MRTFA: variants seen among roughly 807,000 people sequenced by gnomAD.
MRTFA encodes myocardin-related transcription factor A.
In MRTFA, 20 loss-of-function variants were observed where a neutral mutation model predicts 83.5. That is an observed-to-expected ratio of 0.24 (90% CI 0.17 to 0.35). The LOEUF (loss-of-function observed/expected upper bound fraction) is 0.35. Among genes scored for constraint, MRTFA ranks in the 10% least tolerant of loss-of-function variants. MRTFA has a pLI of 1.00. For synonymous variants in MRTFA, 659 were observed against 541.2 expected (o/e 1.22, Z -3.02); for missense variants, 1,200 against 1,224.7 (o/e 0.98, Z 0.30).
At chr22:40,502,404 G>A (rs1008363515) in intron 3 of MRTFA, among the ~76,000 whole-genome samples, 2 of 114,362 alleles carry the variant, frequency 1.7e-5, no homozygotes, top group Non-Finnish European at 3.7e-5. Context: ...GGGCAGAGGC[G>A]CTCCTCACAT....
At chr22:40,545,438 T>A (rs1266691718) in intron 3 of MRTFA, among the ~76,000 whole-genome samples, 2 of 152,034 alleles carry the variant, frequency 1.3e-5, no homozygotes, top group Non-Finnish European at 2.9e-5. Context: ...AATTCCTTTT[T>A]TTTTTTTTTG....
At chr22:40,477,078 C>T (rs2054009836) in intron 3 of MRTFA, among the ~76,000 whole-genome samples, 1 of 150,822 alleles carries the variant, frequency 6.6e-6, no homozygotes, top group East Asian at 2.0e-4. Flanking sequence ...GCCTGTAATC[C>T]CAGCACTTTG....
chr22:40,417,963 T>A (rs9619868), intron 12 of MRTFA, among the ~76,000 whole-genome samples: 1,976 of 152,242 alleles, frequency 0.013, 39 homozygotes, highest in African/African-American at 0.045. Flanking sequence ...TGGGGACAGC[T>A]AGCCTCTCTG....
chr22:40,500,415 T>C (rs905005378), intron 3 of MRTFA, among the ~76,000 whole-genome samples: 6 of 149,438 alleles, frequency 4.0e-5, no homozygotes, highest in East Asian at 1.9e-4. Flanking sequence ...ATTTTTTTAT[T>C]GATAATTCTT....
chr22:40,517,777 G>A (rs1602370501), intron 3 of MRTFA, among the ~76,000 whole-genome samples: 1 of 152,154 alleles, frequency 6.6e-6, no homozygotes, highest in East Asian at 1.9e-4. Flanking sequence ...ATGTTAATGA[G>A]CTGACTTTGG....
chr22:40,555,416 T>A (rs2055505963), intron 2 of MRTFA, among the ~76,000 whole-genome samples: 1 of 152,032 alleles, frequency 6.6e-6, no homozygotes, highest in African/African-American at 2.4e-5. Flanking sequence ...ATCTAGTTGT[T>A]TAAAAGTGTG....
At chr22:40,444,769 TA>T (rs34631881) in intron 4 of MRTFA, among the ~76,000 whole-genome samples, 88 of 146,302 alleles carry the variant, frequency 6.0e-4, no homozygotes, top group Middle Eastern at 3.5e-3. Flanking sequence ...TTTTATGTTT[TA>T]AAAAAAAAAA....
At chr22:40,592,359 G>A (rs1006774758) in intron 2 of MRTFA, among the ~76,000 whole-genome samples, 2 of 151,014 alleles carry the variant, frequency 1.3e-5, no homozygotes, top group African/African-American at 2.4e-5. Context: ...GAGGCAGAAG[G>A]ATCACTCGAA....
At chr22:40,570,262 G>A (rs922849010) in intron 2 of MRTFA, among the ~76,000 whole-genome samples, 3 of 152,108 alleles carry the variant, frequency 2.0e-5, no homozygotes, top group East Asian at 1.9e-4. Flanking sequence ...TATTAGGTGT[G>A]ATTTCTAGGA....
chr22:40,499,914 CTTTTTTTTTTTT>C (rs72041822), intron 3 of MRTFA, among the ~76,000 whole-genome samples: 6 of 84,928 alleles, frequency 7.1e-5, no homozygotes, highest in South Asian at 4.6e-4. Context: ...TCAAGTAGAC[CTTTTTTTTTTTT>C]TTTTTTTTTT....
chr22:40,559,179 C>T (rs1003185798), intron 2 of MRTFA, among the ~76,000 whole-genome samples: 1 of 152,110 alleles, frequency 6.6e-6, no homozygotes, highest in African/African-American at 2.4e-5. Flanking sequence ...TGTTAGAGCC[C>T]AGGAGCTCAA....
At chr22:40,572,753 AAG>A (rs1483192905) in intron 2 of MRTFA, among the ~76,000 whole-genome samples, 3 of 152,340 alleles carry the variant, frequency 2.0e-5, no homozygotes, top group Admixed American at 2.0e-4. Flanking sequence ...GCAGCAGGCA[AAG>A]AGAGAGCTTG....
At position 40,413,459 on chromosome 22, in the gene MRTFA, C is replaced by T. The variant is rs142005099; in HGVS notation, c.2579-1552G>A. Among the ~76,000 whole-genome samples the T allele has an allele frequency of 4.2e-3, 635 of 152,066 alleles. 5 individuals carry two copies. The highest frequency in any genetic ancestry group is 6.6e-3 in the Non-Finnish European group (452 of 67,992). On this transcript the variant is annotated intron_variant, in intron 14 of 14. Coordinates refer to ENST00000355630, the MANE Select transcript of MRTFA (RefSeq NM_020831.6). Reference sequence around the variant, plus strand: ...TTTTCAAGCAATTCTCCTGCCTCACCCTCCTGAGATTACAGGCACGTGCCA... The same window carrying T: ...TTTTCAAGCAATTCTCCTGCCTCACTCTCCTGAGATTACAGGCACGTGCCA...
chr22:40,601,793 A>C (rs1460009035), intron 1 of MRTFA, among the ~76,000 whole-genome samples: 1 of 152,226 alleles, frequency 6.6e-6, no homozygotes, highest in Non-Finnish European at 1.5e-5. Context: ...CTTTAAAAAC[A>C]ATGAAAAATT....
At chr22:40,632,580 C>T (rs1021617684) in intron 1 of MRTFA, among the ~76,000 whole-genome samples, 3 of 152,114 alleles carry the variant, frequency 2.0e-5, no homozygotes, top group African/African-American at 7.2e-5. Context: ...GGACTACAGG[C>T]GTGCATCACC....
At chr22:40,581,502 A>G (rs1234321762) in intron 2 of MRTFA, among the ~76,000 whole-genome samples, 3 of 152,192 alleles carry the variant, frequency 2.0e-5, no homozygotes, top group Non-Finnish European at 4.4e-5. Flanking sequence ...AATTGGTAGT[A>G]TGAGATTTTA....
chr22:40,420,426 C>T lies in MRTFA; in HGVS notation c.1332G>A (p.Pro444=), dbSNP rs148478967. The T allele has an allele frequency of 4.2e-3, 6,847 of 1,613,536 alleles. 13 individuals carry two copies. The highest frequency in any genetic ancestry group is 5.2e-3 in the Non-Finnish European group (6,083 of 1,179,932). Residue 444 remains proline, a synonymous_variant, in exon 11 of 15, where the codon CCG becomes CCA. Transcript: ENST00000355630. ...GTACCTTCATGTCGTCCAGGTTGGC[C>T]GGCAGGGCTCCCGGCTTGCCAGTCA...
chr22:40,459,830 C>CATATACAT (rs1555973835), intron 4 of MRTFA, among the ~76,000 whole-genome samples: 52 of 86,942 alleles, frequency 6.0e-4, no homozygotes, highest in South Asian at 1.6e-3. Flanking sequence ...CACATATATA[C>CATATACAT]ATATATATAT....
intron 3 of MRTFA, among the ~76,000 whole-genome samples, chr22:40,535,993 G>C (rs1418084354): frequency 1.3e-5 from 2 of 151,874 alleles, no homozygotes; most frequent in Non-Finnish European, 2.9e-5. Context: ...CTAAATAAAA[G>C]AAAAACAATT....
Sources: gnomAD v4.1 joint callset for allele counts (sites outside exome capture counted in the v4.1 genomes callset) on GRCh38, gnomAD v4.1.1 for gene constraint, MANE v1.5 for transcripts, NCBI Gene and HGNC (gene_info 2026-07-23, HGNC 2026-07-21) for gene names.